THSD7B: variants seen among roughly 807,000 people sequenced by gnomAD.
The protein encoded by THSD7B is thrombospondin type 1 domain containing 7B.
THSD7B carries 138 observed loss-of-function variants against 213.6 expected under a neutral mutation model. That is an observed-to-expected ratio of 0.65 (90% CI 0.56 to 0.74). The LOEUF (loss-of-function observed/expected upper bound fraction) is 0.74. Ranked by LOEUF, THSD7B falls within the 30% of genes least tolerant of loss-of-function variation. The probability of loss-of-function intolerance (pLI) is 0.00; values close to 1 mark genes in which losing one functional copy is unlikely to be tolerated. For missense variants in THSD7B, 1,931 were observed against 1,991.5 expected (o/e 0.97, Z 0.58); for synonymous variants, 742 against 687.0 (o/e 1.08, Z -1.25).
chr2:136,991,472 T>C (rs565332708), intron 2 of THSD7B, among the ~76,000 whole-genome samples: 10 of 148,074 alleles, frequency 6.8e-5, no homozygotes, highest in Admixed American at 4.0e-4. Flanking sequence ...TTTGATTACC[T>C]TTTTTTTGTC....
intron 17 of THSD7B, among the ~76,000 whole-genome samples, chr2:137,579,535 T>C (rs200333619): frequency 0.22 from 30,781 of 141,502 alleles, 3,428 homozygotes; most frequent in South Asian, 0.31. Flanking sequence ...CACACGCGCG[T>C]GCGCACACAC....
intron 2 of THSD7B, among the ~76,000 whole-genome samples, chr2:137,011,441 A>T (rs1686229617): frequency 6.6e-6 from 1 of 152,118 alleles, no homozygotes; most frequent in African/African-American, 2.4e-5. Context: ...AGTTGTACGG[A>T]CTGTTCTGTG....
At chr2:137,272,803 T>C in intron 11 of THSD7B, 141 bp downstream of exon 11, 1 of 951,350 alleles carries the variant, frequency 1.1e-6, no homozygotes. Flanking sequence ...TTTAATATTC[T>C]TACCCTCTTA....
chr2:137,018,295 T>C (rs908655737), intron 2 of THSD7B, among the ~76,000 whole-genome samples: 1 of 152,184 alleles, frequency 6.6e-6, no homozygotes, highest in African/African-American at 2.4e-5. Flanking sequence ...TTATTTATTA[T>C]TGTGTTTTCC....
intron 1 of THSD7B, among the ~76,000 whole-genome samples, chr2:136,824,332 T>A (rs1682608758): frequency 6.6e-6 from 1 of 152,126 alleles, no homozygotes. Flanking sequence ...CATATATATG[T>A]ACTTTGTACT....
chr2:137,125,860 A>G (rs182561412), intron 5 of THSD7B, among the ~76,000 whole-genome samples: 37 of 152,288 alleles, frequency 2.4e-4, no homozygotes, highest in African/African-American at 8.4e-4. Flanking sequence ...ATGTTGTGCT[A>G]TGAGTCATGA....
intron 27 of THSD7B, among the ~76,000 whole-genome samples, chr2:137,672,399 C>A (rs1683596690): frequency 6.6e-6 from 1 of 152,154 alleles, no homozygotes; most frequent in Admixed American, 6.5e-5. Context: ...GTCTTTGAGT[C>A]ATTGTGATTT....
chr2:137,640,035 T>G (rs1682909545), intron 20 of THSD7B, among the ~76,000 whole-genome samples: 1 of 152,064 alleles, frequency 6.6e-6, no homozygotes, highest in African/African-American at 2.4e-5. Context: ...GGTTTTGAAA[T>G]GTGAGGACAT....
At chr2:136,965,601 A>G (rs76425103) in intron 2 of THSD7B, among the ~76,000 whole-genome samples, 1,619 of 152,260 alleles carry the variant, frequency 0.011, 16 homozygotes, top group East Asian at 0.045. Flanking sequence ...TTATTTGTCA[A>G]TGGCATTTCT....
At chr2:136,866,273 A>T (rs1026195557) in intron 1 of THSD7B, among the ~76,000 whole-genome samples, 31 of 151,832 alleles carry the variant, frequency 2.0e-4, no homozygotes, top group African/African-American at 7.2e-4. Context: ...AAGTTTATGA[A>T]TTTTTTTTCT....
At chr2:136,999,135 T>C (rs1256942777) in intron 2 of THSD7B, among the ~76,000 whole-genome samples, 3 of 152,184 alleles carry the variant, frequency 2.0e-5, no homozygotes, top group African/African-American at 7.2e-5. Context: ...TCAACAATTT[T>C]TTGAGAGATT....
intron 12 of THSD7B, among the ~76,000 whole-genome samples, chr2:137,322,264 A>T (rs1383998195): frequency 2.0e-5 from 3 of 152,156 alleles, no homozygotes; most frequent in Non-Finnish European, 4.4e-5. Context: ...TTCCTGTGAA[A>T]ACTTTAGTTC....
chr2:137,069,458 G>C (rs1223142182), intron 3 of THSD7B, among the ~76,000 whole-genome samples: 1 of 151,938 alleles, frequency 6.6e-6, no homozygotes, highest in Non-Finnish European at 1.5e-5. Context: ...TCAGATCAAT[G>C]GGTTTTACTT....
At chr2:137,494,036 T>C (rs1053200375) in intron 15 of THSD7B, among the ~76,000 whole-genome samples, 1 of 152,218 alleles carries the variant, frequency 6.6e-6, no homozygotes, top group Non-Finnish European at 1.5e-5. Flanking sequence ...GCATATCATT[T>C]TCCCAGGAAA....
At chr2:137,124,589 T>C (rs1688601536) in intron 5 of THSD7B, among the ~76,000 whole-genome samples, 1 of 152,176 alleles carries the variant, frequency 6.6e-6, no homozygotes, top group Non-Finnish European at 1.5e-5. Context: ...TTTATTCCTA[T>C]GTCAAGAGAA....
intron 1 of THSD7B, among the ~76,000 whole-genome samples, chr2:136,857,874 A>G (rs189983619): frequency 5.9e-5 from 9 of 152,352 alleles, no homozygotes; most frequent in African/African-American, 2.2e-4. Flanking sequence ...TGGTTCTTAT[A>G]TCAGCAGTTT....
chr2:137,003,979 T>C (rs1002914164), intron 2 of THSD7B, among the ~76,000 whole-genome samples: 1 of 152,138 alleles, frequency 6.6e-6, no homozygotes, highest in African/African-American at 2.4e-5. Context: ...TCTTTTCTCT[T>C]CCATTGATGC....
intron 12 of THSD7B, among the ~76,000 whole-genome samples, chr2:137,387,244 C>T (rs906181643): frequency 3.9e-5 from 6 of 152,232 alleles, no homozygotes; most frequent in African/African-American, 1.2e-4. Flanking sequence ...ACCCACTTGC[C>T]AGGTGACTGC....
intron 12 of THSD7B, among the ~76,000 whole-genome samples, chr2:137,280,156 A>T (rs1397631676): frequency 6.6e-6 from 1 of 152,122 alleles, no homozygotes; most frequent in Non-Finnish European, 1.5e-5. Context: ...ATTTTATAAG[A>T]TTCTACATAG....
Sources: allele counts gnomAD v4.1 joint callset (sites outside exome capture counted in the v4.1 genomes callset), GRCh38; gene constraint gnomAD v4.1.1; transcripts MANE v1.5; gene names NCBI Gene and HGNC (gene_info 2026-07-23, HGNC 2026-07-21).